HEPACAM: variants seen among roughly 807,000 people sequenced by gnomAD.
HEPACAM encodes the protein hepatic and glial cell adhesion molecule, also known as hepatocyte cell adhesion molecule.
A neutral mutation model predicts 38.3 loss-of-function variants in HEPACAM; 18 were observed. The observed-to-expected ratio is 0.47, with a 90% CI of 0.33 to 0.70. The LOEUF is 0.70. Among genes scored for constraint, HEPACAM ranks in the 30% least tolerant of loss-of-function variants. The pLI is 0.03. For synonymous variants in HEPACAM, 216 were observed against 243.1 expected (o/e 0.89, Z 1.04); for missense variants, 466 against 563.0 (o/e 0.83, Z 1.74).
chr11:124,921,555 C>T lies in HEPACAM; in HGVS notation c.949-115G>A. ...AGGGACCTAGTTTCCCTCTGCACGC[C>T]CACCTCCTGGAAGGCTGCAGACAGG... On this transcript the variant is annotated intron_variant, in intron 6 of 6. Coordinates refer to ENST00000298251, the MANE Select transcript of HEPACAM (RefSeq NM_152722.5). The surrounding 1 kb of genome is among the most constrained non-coding windows in gnomAD (Gnocchi z 4.6). 1.7e-6 allele frequency: 1 copy of T among 604,478 alleles called. No individual in the cohort carries two copies. Among genetic ancestry groups the T allele is most frequent in the Non-Finnish European group, 2.4e-6 (1 of 416,420 alleles). The allele number at this position is 604,478 out of a possible 1,614,324, so 37.4% of individuals were successfully genotyped here.
At position 124,924,528 on chromosome 11, in the gene HEPACAM, AAT is replaced by A; in HGVS notation, c.427+198_427+199del. The stretch of plus-strand genomic sequence containing the variant: ...GAGTCAACATATGCAAAGCACTTAG[AAT>A]AGTTTCTGGCACATGGCAATCACTC... On this transcript the variant is annotated intron_variant, in intron 2 of 6. Transcript: ENST00000298251. The surrounding 1 kb of genome is among the most constrained non-coding windows in gnomAD (Gnocchi z 4.4). The A allele has an allele frequency of 1.5e-6, 1 of 661,494 alleles. No homozygotes were observed. Among genetic ancestry groups the A allele is most frequent in the South Asian group, 1.7e-5 (1 of 59,044 alleles). The allele number at this position is 661,494 out of a possible 1,614,324, so 41.0% of individuals were successfully genotyped here.
At chr11:124,927,087 G>GT (rs1947222624) in intron 1 of HEPACAM, among the ~76,000 whole-genome samples, 2 of 152,102 alleles carry the variant, frequency 1.3e-5, no homozygotes, top group Admixed American at 1.3e-4. Flanking sequence ...AGCCAGGATG[G>GT]TGTCAATCTC....
In HEPACAM at chr11:124,920,678, C is replaced by CAAAAAAAAAAAAAAA. The variant is rs71042463; in HGVS notation, c.*445_*459dup. The CAAAAAAAAAAAAAAA allele has an allele frequency of 1.4e-5, 8 of 575,234 alleles. No individual in the cohort carries two copies. The highest frequency in any genetic ancestry group is 1.4e-5 in the Non-Finnish European group (7 of 511,448). The allele number at this position is 575,234 out of a possible 1,614,324, so 35.6% of individuals were successfully genotyped here. On this transcript the variant is annotated 3_prime_UTR_variant, in exon 7 of 7. Transcript: ENST00000298251. ...AAGTGGCCTCTCTAATCTGAACTTG[C>CAAAAAAAAAAAAAAA]AAAAAAAAAAAAAAAAAAAAAAAAA...
Position 124,923,707 on chromosome 11 carries a change from G to A in HEPACAM, c.709+22C>T, listed in dbSNP as rs757008734. 5 of 1,613,814 alleles carry A rather than the reference G, an allele frequency of 3.1e-6. No homozygotes were observed. The South Asian group carries it at 5.5e-5, about 18-fold the overall frequency. On this transcript the variant is annotated intron_variant, in intron 3 of 6. Transcript: ENST00000298251. ...CCTCTTGGGGCTTTGAGTACTAAAG[G>A]AAAGCCTGCGGGGAAACTCACTGTA...
rs1947114322 is a variant in HEPACAM, at chr11:124,920,532, G to A, written c.*606C>T. 7.0e-7 allele frequency: 1 copy of A among 1,424,550 alleles called. No individual in the cohort carries two copies. The highest frequency in any genetic ancestry group is 9.3e-7 in the Non-Finnish European group (1 of 1,071,874). The allele number at this position is 1,424,550 out of a possible 1,614,324, so 88.2% of individuals were successfully genotyped here. On this transcript the variant is annotated 3_prime_UTR_variant, in exon 7 of 7. Coordinates refer to ENST00000298251, the MANE Select transcript of HEPACAM (RefSeq NM_152722.5). Reference sequence around the variant, plus strand: ...TCCCTCACCACCTTGTAGGTCCCCAGGTACCAGGTGCCCAGGGAAGAAGGC... The same window carrying A: ...TCCCTCACCACCTTGTAGGTCCCCAAGTACCAGGTGCCCAGGGAAGAAGGC...
At position 124,920,131 on chromosome 11, in the gene HEPACAM, T is replaced by A; in HGVS notation, c.*1007A>T. On this transcript the variant is annotated 3_prime_UTR_variant, in exon 7 of 7. Coordinates refer to ENST00000298251, the MANE Select transcript of HEPACAM (RefSeq NM_152722.5). ...GTTCCCCCCAAATGCTGGGAAGCAA[T>A]AAGCCTCCTCCTCCCCCCACCATTT... is the stretch of plus-strand genomic sequence containing the variant. 2 of 1,204,286 alleles carry A rather than the reference T, an allele frequency of 1.7e-6. No homozygotes were observed. The highest frequency in any genetic ancestry group is 2.4e-6 in the Non-Finnish European group (2 of 849,818). The allele number at this position is 1,204,286 out of a possible 1,614,324, so 74.6% of individuals were successfully genotyped here. A position where few individuals can be genotyped will look rare whatever the true frequency, so the allele number is the denominator to read the frequency against.
Position 124,921,237 on chromosome 11 carries a change from C to G in HEPACAM, c.1152G>C (p.Ser384=). ...THSSPPRAPS[S]PGRSRSASRT... ...GCGAGGCGCTGCGCGAGCGGCCGGG[C>G]GAGCTCGGGGCCCTGGGCGGCGACG... is the stretch of plus-strand genomic sequence containing the variant. The change falls in exon 7 of 7, where the codon TCG becomes TCC. Residue 384 remains serine, a synonymous_variant. Coordinates refer to ENST00000298251, the MANE Select transcript of HEPACAM (RefSeq NM_152722.5). The surrounding 1 kb of genome is among the most constrained non-coding windows in gnomAD (Gnocchi z 4.6). 5.5e-6 allele frequency: 8 copies of G among 1,466,510 alleles called. No individual in the cohort carries two copies. Among genetic ancestry groups the G allele is most frequent in the Non-Finnish European group, 7.2e-6 (8 of 1,115,088 alleles). The allele number at this position is 1,466,510 out of a possible 1,614,324, so 90.8% of individuals were successfully genotyped here. A position where few individuals can be genotyped will look rare whatever the true frequency, so the allele number is the denominator to read the frequency against.
In HEPACAM at chr11:124,919,272, T is replaced by C. The variant is rs1295304764; in HGVS notation, c.*1866A>G. The C allele has an allele frequency of 6.4e-6, 1 of 157,378 alleles. No homozygotes were observed. The highest frequency in any genetic ancestry group is 1.4e-5 in the Non-Finnish European group (1 of 71,374). The allele number at this position is 157,378 out of a possible 1,614,324, so 9.7% of individuals were successfully genotyped here. The stretch of plus-strand genomic sequence containing the variant: ...CATTTCATCAAAAGTTTATTGAGCA[T>C]CCAGTATGTGCTAGGCACTCTGCTG... On this transcript the variant is annotated 3_prime_UTR_variant, in exon 7 of 7. Coordinates refer to ENST00000298251, the MANE Select transcript of HEPACAM (RefSeq NM_152722.5).
At position 124,923,846 on chromosome 11, in the gene HEPACAM, C is replaced by T. The variant is rs570071609; in HGVS notation, c.592G>A (p.Asp198Asn). The change falls in exon 3 of 7, where the codon GAC becomes AAC. Residue 198 changes from aspartate (D) to asparagine (N), a missense_variant. Physicochemically the swap from Asp to Asn is conservative, Grantham distance 23. Transcript: ENST00000298251. ...LNDSRMLLSP[D>N]QKVLTITRVL... ...CGGGTGATGGTGAGCACCTTTTGGTCGGGGGACAGGAGCATTCTCGAGTCA... is the reference window on the plus strand; with the variant it reads ...CGGGTGATGGTGAGCACCTTTTGGTTGGGGGACAGGAGCATTCTCGAGTCA... The T allele has an allele frequency of 8.1e-6, 13 of 1,614,086 alleles. No homozygotes were observed. The highest frequency in any genetic ancestry group is 5.0e-5 in the Admixed American group (3 of 60,024).
Position 124,924,473 on chromosome 11 carries a change from A to G in HEPACAM, c.427+255T>C. On this transcript the variant is annotated intron_variant, in intron 2 of 6. Coordinates refer to ENST00000298251, the MANE Select transcript of HEPACAM (RefSeq NM_152722.5). This position sits in a 1 kb window ranked among gnomAD's most constrained non-coding sequence, Gnocchi z 4.4. ...CTGCAAAATTAGGATAATGATATGA[A>G]CTATCACCAGACTATTATAAGCATT... 1.8e-6 allele frequency: 1 copy of G among 559,242 alleles called. No individual in the cohort carries two copies. Among genetic ancestry groups the G allele is most frequent in the South Asian group, 2.0e-5 (1 of 50,116 alleles). The allele number at this position is 559,242 out of a possible 1,614,324, so 34.6% of individuals were successfully genotyped here. A position where few individuals can be genotyped will look rare whatever the true frequency, so the allele number is the denominator to read the frequency against.
Position 124,921,916 on chromosome 11 carries a change from G to T in HEPACAM, c.948+472C>A, listed in dbSNP as rs1290132563. On this transcript the variant is annotated intron_variant, in intron 6 of 6. Transcript: ENST00000298251. This position sits in a 1 kb window ranked among gnomAD's most constrained non-coding sequence, Gnocchi z 4.6. Reference sequence around the variant, plus strand: ...TTATTCTGAGTACTATAAAGCAGGGGTCCCCACCCCCAGGCCGAGGACTGG... The same window carrying T: ...TTATTCTGAGTACTATAAAGCAGGGTTCCCCACCCCCAGGCCGAGGACTGG... Among the ~76,000 whole-genome samples the T allele has an allele frequency of 6.6e-6, 1 of 152,168 alleles. No homozygotes were observed. The highest frequency in any genetic ancestry group is 2.4e-5 in the African/African-American group (1 of 41,432).
chr11:124,929,441 G>C (rs1474839820), intron 1 of HEPACAM, among the ~76,000 whole-genome samples: 2 of 152,174 alleles, frequency 1.3e-5, no homozygotes, highest in South Asian at 2.1e-4. Context: ...ATCGTACTCT[G>C]TATTAAGTTC....
chr11:124,920,498 T>A lies in HEPACAM; in HGVS notation c.*640A>T, dbSNP rs1310172013. 2.7e-6 allele frequency: 4 copies of A among 1,499,042 alleles called. No homozygotes were observed. In the South Asian group the frequency reaches 5.0e-5, roughly 19 times the overall value. The allele number at this position is 1,499,042 out of a possible 1,614,324, so 92.9% of individuals were successfully genotyped here. ...CAGGTCAGAGGGAAAAGGAATGTAC[T>A]CGTACCCTTCCCTCACCACCTTGTA... On this transcript the variant is annotated 3_prime_UTR_variant, in exon 7 of 7. Transcript: ENST00000298251.
chr11:124,921,023 C>A lies in HEPACAM; in HGVS notation c.*115G>T, dbSNP rs1331192405. On this transcript the variant is annotated 3_prime_UTR_variant, in exon 7 of 7. Coordinates refer to ENST00000298251, the MANE Select transcript of HEPACAM (RefSeq NM_152722.5). The surrounding 1 kb of genome is among the most constrained non-coding windows in gnomAD (Gnocchi z 4.6). ...ACGTTCACACCCGAGACACCAGCGCCCCCCCGGGACCTCCCCTCGTCCCCA... is the reference window on the plus strand; with the variant it reads ...ACGTTCACACCCGAGACACCAGCGCACCCCCGGGACCTCCCCTCGTCCCCA... 2.9e-6 allele frequency: 4 copies of A among 1,402,066 alleles called. No individual in the cohort carries two copies. Among genetic ancestry groups the A allele is most frequent in the African/African-American group, 1.5e-5 (1 of 65,880 alleles). The allele number at this position is 1,402,066 out of a possible 1,614,324, so 86.9% of individuals were successfully genotyped here.
chr11:124,921,941 G>A lies in HEPACAM; in HGVS notation c.948+447C>T, dbSNP rs1306413276. On this transcript the variant is annotated intron_variant, in intron 6 of 6. Transcript: ENST00000298251. The surrounding 1 kb of genome is among the most constrained non-coding windows in gnomAD (Gnocchi z 4.6). ...GTCCCCACCCCCAGGCCGAGGACTG[G>A]TACTGGTCCATAGCCTGTTAGGAAG... 6.6e-6 allele frequency among the ~76,000 whole-genome samples: 1 copy of A among 152,234 alleles called. No individual in the cohort carries two copies. Among genetic ancestry groups the A allele is most frequent in the Non-Finnish European group, 1.5e-5 (1 of 68,040 alleles).
chr11:124,932,239 G>A (rs1410414256), intron 1 of HEPACAM, among the ~76,000 whole-genome samples: 2 of 152,108 alleles, frequency 1.3e-5, no homozygotes, highest in Non-Finnish European at 2.9e-5. Flanking sequence ...TTTAAAAAAT[G>A]ACAGCACCTA....
chr11:124,923,420 A>G lies in HEPACAM; in HGVS notation c.723T>C (p.Leu241=). ...TGCCTCCTGTAGACAAGATGATGTA[A>G]AGGGAGCTTCTTCCTAGGGAGAGAG... The part of the protein sequence containing the change: ...VKITVYRRSS[L]YIILSTGGIF... The change falls in exon 4 of 7, where the codon CTT becomes CTC. Residue 241 remains leucine, a synonymous_variant. Coordinates refer to ENST00000298251, the MANE Select transcript of HEPACAM (RefSeq NM_152722.5). 6.2e-7 allele frequency: 1 copy of G among 1,610,598 alleles called. No individual in the cohort carries two copies. The highest frequency in any genetic ancestry group is 8.5e-7 in the Non-Finnish European group (1 of 1,176,998).
At chr11:124,927,664 C>T (rs889383280) in intron 1 of HEPACAM, among the ~76,000 whole-genome samples, 2 of 152,102 alleles carry the variant, frequency 1.3e-5, no homozygotes, top group African/African-American at 2.4e-5. Context: ...CCATTCATAC[C>T]TGGCCTTAGC....
rs1490621931 is a variant in HEPACAM, at chr11:124,919,911, C to T, written c.*1227G>A. 6 of 1,613,980 alleles carry T rather than the reference C, an allele frequency of 3.7e-6. No homozygotes were observed. The African/African-American group carries it at 4.0e-5, about 11-fold the overall frequency. On this transcript the variant is annotated 3_prime_UTR_variant, in exon 7 of 7. Transcript: ENST00000298251. ...TTCAGCTTTTTAATTGCCCTCTCTC[C>T]TCACACAGTAGATTACTGCCACTCC...
Sources: gnomAD v4.1 joint callset for allele counts (sites outside exome capture counted in the v4.1 genomes callset) on GRCh38, gnomAD v4.1.1 for gene constraint, Gnocchi (gnomAD v3.1) non-coding constraint, MANE v1.5 for transcripts, NCBI Gene and HGNC (gene_info 2026-07-23, HGNC 2026-07-21) for gene names.